The following PCSK5 variants were observed in gnomAD, a reference collection of about 807,000 sequenced individuals.
PCSK5 encodes prohormone convertase 5.
A neutral mutation model predicts 233.2 loss-of-function variants in PCSK5; 129 were observed. That is an observed-to-expected ratio of 0.55 (90% CI 0.48 to 0.64). The LOEUF (loss-of-function observed/expected upper bound fraction) is 0.64. Ranked by LOEUF, PCSK5 falls within the 30% of genes least tolerant of loss-of-function variation. The pLI, the probability that PCSK5 is intolerant of heterozygous loss-of-function variation, is 0.00. For missense variants in PCSK5, 2,076 were observed against 2,430.1 expected (o/e 0.85, Z 3.06); for synonymous variants, 825 against 879.2 (o/e 0.94, Z 1.09).
intron 20 of PCSK5, chr9:76,195,827 G>A (rs1473008951): frequency 4.6e-5 from 7 of 152,064 alleles, no homozygotes. Flanking sequence ...AACTGATACT[G>A]GCCAAAATCA....
At chr9:75,922,704 T>G (rs62555872) in intron 1 of PCSK5, among the ~76,000 whole-genome samples, 6,839 of 152,270 alleles carry the variant, frequency 0.045, 215 homozygotes, top group African/African-American at 0.069. Context: ...AAGGGCAGAT[T>G]AAAATCTTAT....
intron 7 of PCSK5, among the ~76,000 whole-genome samples, chr9:76,082,980 G>A (rs1057285490): frequency 2.6e-5 from 4 of 151,936 alleles, no homozygotes; most frequent in Admixed American, 6.6e-5. Flanking sequence ...AGGCCAAGGC[G>A]GGTGGATCAC....
rs150989408 is a variant in PCSK5, at chr9:76,160,843, G to A, written c.1619+1672G>A. Among the ~76,000 whole-genome samples the A allele has an allele frequency of 9.5e-3, 1,437 of 151,394 alleles. 19 individuals are homozygous for A. Among genetic ancestry groups the A allele is most frequent in the African/African-American group, 0.032 (1,330 of 41,226 alleles). On this transcript the variant is annotated intron_variant, in intron 12 of 37. Coordinates refer to ENST00000674117, the MANE Select transcript of PCSK5 (RefSeq NM_001372043.1). ...TGGAGTGCAGTGTTGGCACAATCTC[G>A]GCTCACTGCATCCTCCACCTCCTGG... is the stretch of plus-strand genomic sequence containing the variant.
intron 24 of PCSK5, among the ~76,000 whole-genome samples, chr9:76,273,695 C>T (rs923465339): frequency 8.0e-5 from 12 of 150,420 alleles, no homozygotes; most frequent in African/African-American, 1.5e-4. Flanking sequence ...TGCAGTGGTG[C>T]GATCATAGCT....
chr9:76,295,477 A>G (rs938121795), intron 26 of PCSK5, 66 bp downstream of exon 26: 1 of 1,410,116 alleles, frequency 7.1e-7, no homozygotes, highest in Non-Finnish European at 9.9e-7. Flanking sequence ...AGTCGGGGCC[A>G]CAGGAGCGCA....
In PCSK5 at chr9:76,067,964, T is replaced by G; in HGVS notation, c.642T>G (p.Thr214=). 6.2e-7 allele frequency: 1 copy of G among 1,613,642 alleles called. No individual in the cohort carries two copies. Residue 214 remains threonine (T), a synonymous_variant, in exon 6 of 38, where the codon ACT becomes ACG. Transcript: ENST00000674117. ...YDASNENKHG[T]RCAGEVAAAA... ...TGTGTTCTGCCTGCAGGCATGGGAC[T>G]CGCTGTGCTGGAGAAGTGGCAGCCG... is the stretch of plus-strand genomic sequence containing the variant.
At chr9:76,325,165 G>A (rs1488081830) in intron 32 of PCSK5, among the ~76,000 whole-genome samples, 1 of 152,114 alleles carries the variant, frequency 6.6e-6, no homozygotes, top group African/African-American at 2.4e-5. Context: ...TCGTGTGGGA[G>A]GCAGGCTGTG....
At chr9:76,127,002 T>A (rs960315994) in intron 9 of PCSK5, among the ~76,000 whole-genome samples, 1 of 137,720 alleles carries the variant, frequency 7.3e-6, no homozygotes, top group African/African-American at 2.6e-5. Context: ...AAATGCTTAT[T>A]TTCATTAAAG....
intron 28 of PCSK5, among the ~76,000 whole-genome samples, chr9:76,304,320 T>G (rs183280568): frequency 6.7e-4 from 102 of 152,384 alleles, no homozygotes; most frequent in African/African-American, 2.4e-3. Context: ...TATCTATGTA[T>G]GTACCTTTCT....
chr9:75,978,024 T>C (rs1407502142), intron 2 of PCSK5, among the ~76,000 whole-genome samples: 3 of 152,222 alleles, frequency 2.0e-5, no homozygotes, highest in African/African-American at 4.8e-5. Flanking sequence ...ATGTTGTTCA[T>C]TGCTAGTAAT....
chr9:76,358,429 C>A, intron 37 of PCSK5, 84 bp from the exon 38 acceptor site: 1 of 1,022,048 alleles, frequency 9.8e-7, no homozygotes, highest in Non-Finnish European at 1.4e-6. Context: ...AGGTGAAATT[C>A]TTTACCTCAG....
chr9:75,908,183 G>A, intron 1 of PCSK5, among the ~76,000 whole-genome samples: 1 of 152,196 alleles, frequency 6.6e-6, no homozygotes, highest in East Asian at 1.9e-4. Context: ...TCTTGGTTGG[G>A]TGACATGGCC....
intron 19 of PCSK5, 23 bp downstream of exon 19, chr9:76,189,246 C>A (rs1355044154): frequency 1.2e-6 from 2 of 1,605,780 alleles, no homozygotes; most frequent in South Asian, 2.2e-5. Flanking sequence ...GCCCCCTGGG[C>A]CCTAGCATTT....
intron 7 of PCSK5, among the ~76,000 whole-genome samples, chr9:76,087,169 C>T (rs1831098187): frequency 6.6e-6 from 1 of 152,202 alleles, no homozygotes; most frequent in Admixed American, 6.5e-5. Flanking sequence ...AGTTAAGAAG[C>T]AGTGTTAAGT....
At chr9:76,158,734 T>C (rs1822714955) in intron 11 of PCSK5, among the ~76,000 whole-genome samples, 1 of 152,330 alleles carries the variant, frequency 6.6e-6, no homozygotes, top group African/African-American at 2.4e-5. Flanking sequence ...CATCAATGCA[T>C]ACTCAGTTTG....
At chr9:76,343,216 A>T (rs1182450259) in intron 35 of PCSK5, among the ~76,000 whole-genome samples, 3 of 148,788 alleles carry the variant, frequency 2.0e-5, no homozygotes, top group Admixed American at 6.8e-5. Context: ...CTAGGCTGGC[A>T]TGCGGTGGCA....
intron 7 of PCSK5, among the ~76,000 whole-genome samples, chr9:76,075,879 TAAAGGGGTGAAAA>T (rs1830627107): frequency 6.6e-6 from 1 of 152,184 alleles, no homozygotes; most frequent in African/African-American, 2.4e-5. Context: ...ATGCTGTAGA[TAAAGGGGTGAAAA>T]AGACGTCTGC....
chr9:75,950,347 C>G (rs1289032951), intron 2 of PCSK5, among the ~76,000 whole-genome samples: 1 of 151,966 alleles, frequency 6.6e-6, no homozygotes, highest in Non-Finnish European at 1.5e-5. Context: ...ACATATTAAC[C>G]AGATAACTAT....
chr9:76,288,371 A>C (rs1828153065), intron 24 of PCSK5, among the ~76,000 whole-genome samples: 1 of 152,166 alleles, frequency 6.6e-6, no homozygotes, highest in Admixed American at 6.5e-5. Context: ...CCACCAGGGC[A>C]ACACAGGGAG....
Sources: gnomAD v4.1 joint callset for allele counts (sites outside exome capture counted in the v4.1 genomes callset) on GRCh38, gnomAD v4.1.1 for gene constraint, MANE v1.5 for transcripts, NCBI Gene and HGNC (gene_info 2026-07-23, HGNC 2026-07-21) for gene names.